PRIM2: variants seen among roughly 807,000 people sequenced by gnomAD.
The protein encoded by PRIM2 is DNA primase large subunit.
A neutral mutation model predicts 67.3 loss-of-function variants in PRIM2; 39 were observed. The ratio of observed to expected loss-of-function variants is 0.58; its 90% CI spans 0.45 to 0.76. The LOEUF is 0.76. Ranked by LOEUF, PRIM2 falls within the 30% of genes least tolerant of loss-of-function variation. The probability of loss-of-function intolerance (pLI) is 0.00; values close to 1 mark genes in which losing one functional copy is unlikely to be tolerated. For synonymous variants in PRIM2, 143 were observed against 198.7 expected (o/e 0.72, Z 2.36); for missense variants, 398 against 598.7 (o/e 0.66, Z 3.50).
the PRIM2 span, among the ~76,000 whole-genome samples, chr6:57,287,746 G>A: frequency 2.0e-5 from 3 of 150,632 alleles, no homozygotes; most frequent in African/African-American, 7.3e-5. Flanking sequence ...TGCATGTTCA[G>A]CACATGTATC....
the PRIM2 span, among the ~76,000 whole-genome samples, chr6:57,271,322 T>C: frequency 6.6e-6 from 1 of 152,240 alleles, no homozygotes; most frequent in Non-Finnish European, 1.5e-5. Flanking sequence ...TATTGGTCTA[T>C]TCAGAGATTC....
intron 7 of PRIM2, among the ~76,000 whole-genome samples, chr6:57,486,639 T>C (rs1773759338): frequency 1.3e-5 from 2 of 152,242 alleles, no homozygotes; most frequent in Non-Finnish European, 2.9e-5. Flanking sequence ...CCAGTATATA[T>C]GGCATGTTCA....
At chr6:57,381,078 C>G (rs545020201) in intron 6 of PRIM2, among the ~76,000 whole-genome samples, 13 of 152,134 alleles carry the variant, frequency 8.5e-5, no homozygotes, top group Admixed American at 7.2e-4. Flanking sequence ...CTGATATGTC[C>G]TATGTAAGCT....
At chr6:57,573,161 A>G (rs1440116883) in intron 10 of PRIM2, among the ~76,000 whole-genome samples, 5 of 152,188 alleles carry the variant, frequency 3.3e-5, no homozygotes, top group African/African-American at 9.7e-5. Flanking sequence ...TAATTTGTCA[A>G]CTTGTCTTGG....
the PRIM2 span, among the ~76,000 whole-genome samples, chr6:57,279,823 A>G: frequency 6.6e-6 from 1 of 152,194 alleles, no homozygotes; most frequent in African/African-American, 2.4e-5. Context: ...GTACTATGGT[A>G]GCATGGGGTA....
intron 7 of PRIM2, among the ~76,000 whole-genome samples, chr6:57,393,186 ATCAAGTGGCAGTTCTTGAT>A (rs1770413277): frequency 6.6e-6 from 1 of 152,068 alleles, no homozygotes; most frequent in Non-Finnish European, 1.5e-5. Context: ...GTGTTGCTGG[ATCAAGTGGCAGTTCTTGAT>A]TCTTTTAGTT....
At chr6:57,560,770 C>T (rs1775610528) in intron 10 of PRIM2, among the ~76,000 whole-genome samples, 1 of 152,080 alleles carries the variant, frequency 6.6e-6, no homozygotes. Context: ...TATCTGAGCA[C>T]TAAGTCTCAA....
chr6:57,561,378 C>T (rs1455188031), intron 10 of PRIM2, among the ~76,000 whole-genome samples: 1 of 152,132 alleles, frequency 6.6e-6, no homozygotes, highest in Admixed American at 6.5e-5. Context: ...ACTACAGGCG[C>T]ACGCCGCCAC....
At chr6:57,564,682 T>C (rs1222517523) in intron 10 of PRIM2, among the ~76,000 whole-genome samples, 1 of 152,192 alleles carries the variant, frequency 6.6e-6, no homozygotes, top group Non-Finnish European at 1.5e-5. Flanking sequence ...GGTTTTGTTT[T>C]TATTTGTGAG....
chr6:57,351,281 A>C (rs1768849872), intron 5 of PRIM2, among the ~76,000 whole-genome samples: 1 of 152,018 alleles, frequency 6.6e-6, no homozygotes. Context: ...CCTGAGTGTC[A>C]TGTTGATGCT....
intron 7 of PRIM2, among the ~76,000 whole-genome samples, chr6:57,483,775 T>C (rs1195665221): frequency 1.2e-3 from 183 of 152,328 alleles, no homozygotes; most frequent in African/African-American, 3.4e-3. Context: ...GTTGTTAGTG[T>C]TGATCATCAA....
intron 10 of PRIM2, among the ~76,000 whole-genome samples, chr6:57,546,305 A>G (rs1393052460): frequency 8.5e-5 from 13 of 152,214 alleles, no homozygotes; most frequent in Non-Finnish European, 1.9e-4. Context: ...TTAATTGAGA[A>G]CGAAGGAATT....
At chr6:57,354,319 T>A (rs1768959967) in intron 5 of PRIM2, among the ~76,000 whole-genome samples, 2 of 152,206 alleles carry the variant, frequency 1.3e-5, no homozygotes. Flanking sequence ...ATGAGAAAAC[T>A]GAAATTAAGT....
At chr6:57,274,709 A>C in the PRIM2 span, among the ~76,000 whole-genome samples, 1 of 152,180 alleles carries the variant, frequency 6.6e-6, no homozygotes, top group Admixed American at 6.5e-5. Flanking sequence ...GAAATCACCT[A>C]TCTTCTGCAT....
chr6:57,593,039 G>T (rs1776308461), intron 10 of PRIM2, among the ~76,000 whole-genome samples: 1 of 152,110 alleles, frequency 6.6e-6, no homozygotes, highest in Admixed American at 6.6e-5. Context: ...CTGGATAAAG[G>T]TGTGCCTGCT....
At chr6:57,345,358 G>T (rs142224735) in intron 5 of PRIM2, among the ~76,000 whole-genome samples, 2 of 151,618 alleles carry the variant, frequency 1.3e-5, no homozygotes, top group African/African-American at 2.4e-5. Context: ...GTAGAGACGG[G>T]GTTTTGTCAT....
At chr6:57,410,331 C>CAAA (rs66631802) in intron 7 of PRIM2, among the ~76,000 whole-genome samples, 16 of 105,374 alleles carry the variant, frequency 1.5e-4, no homozygotes, top group South Asian at 3.3e-4. Context: ...AACGCCATCT[C>CAAA]AAAAAAAAAA....
At chr6:57,572,381 C>T (rs1209732006) in intron 10 of PRIM2, among the ~76,000 whole-genome samples, 1 of 151,954 alleles carries the variant, frequency 6.6e-6, no homozygotes, top group African/African-American at 2.4e-5. Flanking sequence ...ATTTTTTTTC[C>T]CTTAGTGCAA....
At chr6:57,344,496 T>G (rs1156917377) in intron 5 of PRIM2, among the ~76,000 whole-genome samples, 1 of 151,796 alleles carries the variant, frequency 6.6e-6, no homozygotes, top group Non-Finnish European at 1.5e-5. Flanking sequence ...GTATTTCTGT[T>G]ACAATTGAAT....
Sources: allele counts gnomAD v4.1 joint callset (sites outside exome capture counted in the v4.1 genomes callset), GRCh38; gene constraint gnomAD v4.1.1; transcripts MANE v1.5; gene names NCBI Gene and HGNC (gene_info 2026-07-23, HGNC 2026-07-21).